ARHGAP12: variants seen among roughly 807,000 people sequenced by gnomAD.
ARHGAP12 encodes rho GTPase-activating protein 12.
In ARHGAP12, 64 loss-of-function variants were observed where a neutral mutation model predicts 108.6. The ratio of observed to expected loss-of-function variants is 0.59; its 90% CI spans 0.48 to 0.73. The LOEUF (loss-of-function observed/expected upper bound fraction) is 0.73. ARHGAP12 is among the 30% of genes least tolerant of loss of function. The pLI, the probability that ARHGAP12 is intolerant of heterozygous loss-of-function variation, is 0.00. For synonymous variants in ARHGAP12, 312 were observed against 337.2 expected (o/e 0.93, Z 0.82); for missense variants, 940 against 1,005.9 (o/e 0.93, Z 0.89).
intron 5 of ARHGAP12, 39 bp downstream of exon 5, chr10:31,854,027 T>C (rs892525706): frequency 3.9e-5 from 62 of 1,576,714 alleles, no homozygotes; most frequent in Non-Finnish European, 5.0e-5. Flanking sequence ...TATGAGAGAA[T>C]TCTGCCAAAA....
chr10:31,894,749 T>C (rs566291893), intron 3 of ARHGAP12, among the ~76,000 whole-genome samples: 1 of 152,298 alleles, frequency 6.6e-6, no homozygotes, highest in African/African-American at 2.4e-5. Context: ...AAAAAACTAC[T>C]TTAAAGTTCA....
intron 3 of ARHGAP12, among the ~76,000 whole-genome samples, chr10:31,873,311 T>G (rs958302026): frequency 6.6e-6 from 1 of 152,214 alleles, no homozygotes; most frequent in Non-Finnish European, 1.5e-5. Flanking sequence ...AAATACTTTA[T>G]CTATATTTCG....
intron 14 of ARHGAP12, among the ~76,000 whole-genome samples, chr10:31,813,962 A>C (rs1835108187): frequency 6.6e-6 from 1 of 152,240 alleles, no homozygotes; most frequent in Non-Finnish European, 1.5e-5. Flanking sequence ...TTTTAAATCA[A>C]TGAAGTTCAG....
In ARHGAP12 at chr10:31,878,975, A is replaced by G. The variant is rs555891411; in HGVS notation, c.685-17317T>C. ...CCTTTAACATTAAGAGTCCCCTTCT[A>G]TAACATCAGAAAGAACAGAAAATGA... On this transcript the variant is annotated intron_variant, in intron 3 of 19. Transcript: ENST00000344936. Among the ~76,000 whole-genome samples the G allele has an allele frequency of 3.9e-5, 6 of 152,376 alleles. No homozygotes were observed. In the East Asian group the frequency reaches 9.6e-4, roughly 24 times the overall value.
At chr10:31,875,915 A>T (rs1281049424) in intron 3 of ARHGAP12, among the ~76,000 whole-genome samples, 1 of 152,196 alleles carries the variant, frequency 6.6e-6, no homozygotes, top group Non-Finnish European at 1.5e-5. Context: ...ACCTCATATA[A>T]GTGGAATTAT....
At chr10:31,927,238 A>AAAAATACTGTGCCAG (rs1554793615) in intron 1 of ARHGAP12, among the ~76,000 whole-genome samples, 89 of 34,824 alleles carry the variant, frequency 2.6e-3, no homozygotes, top group Non-Finnish European at 4.4e-3. Flanking sequence ...CAAAATAAAA[A>AAAAATACTGTGCCAG]TAGCCAAAAT....
chr10:31,822,282 A>G (rs1308913676), intron 11 of ARHGAP12, among the ~76,000 whole-genome samples: 1 of 152,226 alleles, frequency 6.6e-6, no homozygotes, highest in African/African-American at 2.4e-5. Flanking sequence ...CATATGCAAC[A>G]GCAGGCCGAC....
intron 14 of ARHGAP12, 44 bp from the exon 15 acceptor site, chr10:31,812,867 T>G (rs1564365157): frequency 8.6e-7 from 1 of 1,159,492 alleles, no homozygotes; most frequent in South Asian, 1.5e-5. Flanking sequence ...AAAAATAAAG[T>G]TTTTTTGATA....
chr10:31,866,500 G>GA (rs1564399355), intron 3 of ARHGAP12, among the ~76,000 whole-genome samples: 5 of 152,006 alleles, frequency 3.3e-5, no homozygotes, highest in African/African-American at 4.8e-5. Context: ...CCAGCAAGGG[G>GA]AAATCCAGAG....
intron 3 of ARHGAP12, among the ~76,000 whole-genome samples, chr10:31,883,505 T>C (rs1838064634): frequency 6.6e-6 from 1 of 152,172 alleles, no homozygotes; most frequent in South Asian, 2.1e-4. Flanking sequence ...ATTTTTAAGC[T>C]TTCCATTTTC....
Position 31,854,061 on chromosome 10 carries a change from T to C in ARHGAP12, c.1089+5A>G, listed in dbSNP as rs761653927. 2.5e-6 allele frequency: 4 copies of C among 1,599,654 alleles called. No homozygotes were observed. The highest frequency in any genetic ancestry group is 1.8e-5 in the Admixed American group (1 of 56,516). ...AAAACACTAGATGAGAAAAAAAGAA[T>C]GTACCTTTTCATTAGTATAGTCACT... On this transcript the variant is annotated splice_donor_5th_base_variant and intron_variant, in intron 5 of 19. Coordinates refer to ENST00000344936, the MANE Select transcript of ARHGAP12 (RefSeq NM_018287.7).
At chr10:31,910,162 T>G (rs1839287562) in intron 2 of ARHGAP12, among the ~76,000 whole-genome samples, 1 of 152,208 alleles carries the variant, frequency 6.6e-6, no homozygotes, top group African/African-American at 2.4e-5. Context: ...AACTGTCTGC[T>G]GTTTAAGCAC....
chr10:31,884,975 T>C (rs971810314), intron 3 of ARHGAP12, among the ~76,000 whole-genome samples: 6 of 152,124 alleles, frequency 3.9e-5, no homozygotes, highest in Non-Finnish European at 7.3e-5. Flanking sequence ...TGGGGGTACA[T>C]GGTAGGTGTG....
intron 6 of ARHGAP12, among the ~76,000 whole-genome samples, chr10:31,850,998 T>C (rs11594899): frequency 0.24 from 36,079 of 152,066 alleles, 4,560 homozygotes; most frequent in Non-Finnish European, 0.29. Context: ...CACTTTTCAA[T>C]AGACTTTTTA....
chr10:31,817,793 T>A lies in ARHGAP12; in HGVS notation c.1726A>T (p.Asn576Tyr). The A allele has an allele frequency of 6.3e-7, 1 of 1,592,102 alleles. No individual in the cohort carries two copies. Among genetic ancestry groups the A allele is most frequent in the Non-Finnish European group, 8.5e-7 (1 of 1,170,666 alleles). The change falls in exon 13 of 20, where the codon AAT (asparagine) becomes TAT (tyrosine). Residue 576 changes from asparagine to tyrosine, a missense_variant. Asn to Tyr is a moderately radical substitution (Grantham distance 143, BLOSUM62 -2). Transcript: ENST00000344936. ...TACCTAAGTCAACGACATACCTGAT[T>A]ATTGATTGTACTACTAAGAACTTTA... ...WFKVLSSTIN[N>Y]QAVETDEGIE...
chr10:31,826,020 T>A (rs1469188622), intron 11 of ARHGAP12, among the ~76,000 whole-genome samples: 1 of 152,146 alleles, frequency 6.6e-6, no homozygotes, highest in Non-Finnish European at 1.5e-5. Context: ...TGAAAATGAA[T>A]CAAGAAATGT....
At position 31,814,348 on chromosome 10, in the gene ARHGAP12, T is replaced by A. The variant is rs906925209; in HGVS notation, c.1745A>T (p.Asp582Val). Reference protein sequence around the residue: ...STINNQAVETDEGIEEEIPDS... With the variant: ...STINNQAVETVEGIEEEIPDS... The stretch of plus-strand genomic sequence containing the variant: ...CGGTATCTCCTCTTCAATTCCTTCA[T>A]CAGTTTCTACTGCCTATTGGTTAGA... The change falls in exon 14 of 20, where the codon GAT (aspartate) becomes GTT (valine). Residue 582 changes from aspartate to valine, a missense_variant. Physicochemically the swap from Asp to Val is radical, Grantham distance 152. Transcript: ENST00000344936. The A allele has an allele frequency of 9.9e-6, 16 of 1,613,286 alleles. No individual in the cohort carries two copies. The highest frequency in any genetic ancestry group is 1.4e-5 in the Non-Finnish European group (16 of 1,179,380).
chr10:31,845,809 G>A (rs929874266), intron 6 of ARHGAP12, among the ~76,000 whole-genome samples: 2 of 151,982 alleles, frequency 1.3e-5, no homozygotes, highest in East Asian at 3.9e-4. Flanking sequence ...AGAAAGAATA[G>A]TGATTTCCTT....
At chr10:31,873,053 TC>T (rs1461102331) in intron 3 of ARHGAP12, among the ~76,000 whole-genome samples, 1 of 152,156 alleles carries the variant, frequency 6.6e-6, no homozygotes, top group Non-Finnish European at 1.5e-5. Context: ...ATCTAGAGCA[TC>T]AGTATCTAAC....
Sources: gnomAD v4.1 joint callset for allele counts (sites outside exome capture counted in the v4.1 genomes callset) on GRCh38, gnomAD v4.1.1 for gene constraint, MANE v1.5 for transcripts, NCBI Gene and HGNC (gene_info 2026-07-23, HGNC 2026-07-21) for gene names.